The following CACNA2D3 variants were observed in gnomAD, a reference collection of about 807,000 sequenced individuals.
CACNA2D3 encodes the protein calcium voltage-gated channel auxiliary subunit alpha2delta 3, also known as voltage-dependent calcium channel subunit alpha-2/delta-3.
A neutral mutation model predicts 160.6 loss-of-function variants in CACNA2D3; 60 were observed. The observed-to-expected ratio is 0.37, with a 90% CI of 0.30 to 0.46. The LOEUF is 0.46. Among genes scored for constraint, CACNA2D3 ranks in the 20% least tolerant of loss-of-function variants. The pLI is 1.00. For missense variants in CACNA2D3, 1,205 were observed against 1,365.0 expected (o/e 0.88, Z 1.85); for synonymous variants, 558 against 492.9 (o/e 1.13, Z -1.75).
At chr3:55,010,548 T>C (rs1422953137) in intron 34 of CACNA2D3, among the ~76,000 whole-genome samples, 1 of 152,208 alleles carries the variant, frequency 6.6e-6, no homozygotes, top group Non-Finnish European at 1.5e-5. Flanking sequence ...TCATGTGCTA[T>C]TTCTCAGATA....
chr3:54,709,338 G>A (rs1391181974), intron 11 of CACNA2D3, among the ~76,000 whole-genome samples: 1 of 149,962 alleles, frequency 6.7e-6, no homozygotes, highest in South Asian at 2.1e-4. Flanking sequence ...TCCAGCTGCA[G>A]ACTGCTTAAA....
At chr3:54,474,592 C>T (rs535897141) in intron 4 of CACNA2D3, among the ~76,000 whole-genome samples, 5 of 151,582 alleles carry the variant, frequency 3.3e-5, no homozygotes, top group Non-Finnish European at 5.9e-5. Flanking sequence ...CATGCAAGTA[C>T]TTAGCAAATT....
At chr3:54,962,802 G>A (rs1702063892) in intron 27 of CACNA2D3, among the ~76,000 whole-genome samples, 1 of 152,126 alleles carries the variant, frequency 6.6e-6, no homozygotes, top group Non-Finnish European at 1.5e-5. Context: ...TGGAAGTAGG[G>A]GTGTTTGGGT....
At chr3:54,369,686 C>CT (rs1158662097) in intron 3 of CACNA2D3, among the ~76,000 whole-genome samples, 3 of 152,318 alleles carry the variant, frequency 2.0e-5, no homozygotes, top group Admixed American at 6.5e-5. Flanking sequence ...CCTGGGACAT[C>CT]TGCCTTTTTT....
At chr3:54,893,925 C>G (rs1700126991) in intron 25 of CACNA2D3, among the ~76,000 whole-genome samples, 1 of 152,104 alleles carries the variant, frequency 6.6e-6, no homozygotes, top group Non-Finnish European at 1.5e-5. Context: ...AACAAAAGAG[C>G]TCTTGGGCTT....
intron 2 of CACNA2D3, among the ~76,000 whole-genome samples, chr3:54,128,193 T>C (rs1026760605): frequency 6.6e-6 from 1 of 152,172 alleles, no homozygotes; most frequent in Non-Finnish European, 1.5e-5. Context: ...CTACTGCAAT[T>C]TTTAGGCAAA....
At chr3:54,965,047 T>C (rs1048849677) in intron 27 of CACNA2D3, among the ~76,000 whole-genome samples, 3 of 152,164 alleles carry the variant, frequency 2.0e-5, no homozygotes, top group Admixed American at 1.3e-4. Context: ...CAACGGCAGA[T>C]GTCAGAATAC....
intron 17 of CACNA2D3, among the ~76,000 whole-genome samples, chr3:54,850,363 G>T (rs1440787579): frequency 1.3e-5 from 2 of 152,228 alleles, no homozygotes; most frequent in Non-Finnish European, 2.9e-5. Context: ...TTGATCTTGA[G>T]AAATGCTTTT....
chr3:54,781,957 C>G (rs1702545636), intron 13 of CACNA2D3, among the ~76,000 whole-genome samples: 1 of 152,190 alleles, frequency 6.6e-6, no homozygotes, highest in Admixed American at 6.5e-5. Flanking sequence ...GGCACTATTT[C>G]TAAAGATAGA....
intron 27 of CACNA2D3, among the ~76,000 whole-genome samples, chr3:54,953,188 A>G (rs1468649759): frequency 6.6e-6 from 1 of 152,228 alleles, no homozygotes; most frequent in East Asian, 1.9e-4. Flanking sequence ...GACATACATT[A>G]GCTCATTTAA....
intron 4 of CACNA2D3, among the ~76,000 whole-genome samples, chr3:54,420,253 T>C (rs1343852013): frequency 2.0e-5 from 3 of 152,030 alleles, no homozygotes; most frequent in African/African-American, 7.2e-5. Context: ...CCCAGCTAAT[T>C]TTTGTATTTT....
intron 32 of CACNA2D3, among the ~76,000 whole-genome samples, chr3:55,005,810 T>G (rs1319206627): frequency 6.6e-6 from 1 of 152,224 alleles, no homozygotes; most frequent in Non-Finnish European, 1.5e-5. Context: ...GTCTGTCACA[T>G]GTGTTTAAAT....
chr3:54,175,377 G>T (rs1369418290), intron 2 of CACNA2D3, among the ~76,000 whole-genome samples: 1 of 152,066 alleles, frequency 6.6e-6, no homozygotes, highest in East Asian at 1.9e-4. Context: ...CGCGCTTTGG[G>T]AGACCGAGGC....
chr3:54,784,198 G>T (rs1028879968), intron 13 of CACNA2D3, among the ~76,000 whole-genome samples: 1 of 152,132 alleles, frequency 6.6e-6, no homozygotes, highest in Non-Finnish European at 1.5e-5. Context: ...CAAGGTGTCC[G>T]GAAGGCAGGC....
In CACNA2D3 at chr3:54,126,127, T is replaced by C. The variant is rs1029125264; in HGVS notation, c.204+2533T>C. Among the ~76,000 whole-genome samples the C allele has an allele frequency of 3.3e-5, 5 of 152,258 alleles. No individual in the cohort carries two copies. The South Asian group carries it at 1.0e-3, about 31-fold the overall frequency. ...TGCTGTATACCACCATATAATTTTA[T>C]GTATTTTATGTAGTTTCACTAATTG... On this transcript the variant is annotated intron_variant, in intron 2 of 37. Transcript: ENST00000474759.
intron 4 of CACNA2D3, among the ~76,000 whole-genome samples, chr3:54,461,634 GTT>G (rs1259212305): frequency 6.6e-6 from 1 of 151,486 alleles, no homozygotes; most frequent in Non-Finnish European, 1.5e-5. Flanking sequence ...CCCCTTTATC[GTT>G]TTTTATTGCA....
intron 4 of CACNA2D3, among the ~76,000 whole-genome samples, chr3:54,441,003 G>A (rs571623556): frequency 6.6e-5 from 10 of 152,222 alleles, no homozygotes; most frequent in Non-Finnish European, 5.9e-5. Context: ...TAAATACCCA[G>A]TAATGGGATG....
chr3:55,066,778 C>T (rs530004768), intron 35 of CACNA2D3, among the ~76,000 whole-genome samples: 1 of 152,284 alleles, frequency 6.6e-6, no homozygotes, highest in African/African-American at 2.4e-5. Flanking sequence ...ATTTATTTCA[C>T]GCATTTTGAC....
intron 9 of CACNA2D3, among the ~76,000 whole-genome samples, chr3:54,604,901 G>A (rs924122654): frequency 1.3e-5 from 2 of 152,182 alleles, no homozygotes; most frequent in African/African-American, 4.8e-5. Flanking sequence ...AAGGGCTGCT[G>A]TGATGAAGTA....
Sources: allele counts gnomAD v4.1 joint callset (sites outside exome capture counted in the v4.1 genomes callset), GRCh38; gene constraint gnomAD v4.1.1; transcripts MANE v1.5; gene names NCBI Gene and HGNC (gene_info 2026-07-23, HGNC 2026-07-21).